Variants in B4GALNT4 observed in about 807,000 individuals in gnomAD.
B4GALNT4 encodes the protein N-acetyl-beta-glucosaminyl-glycoprotein 4-beta-N-acetylgalactosaminyltransferase 1.
In B4GALNT4, 77 loss-of-function variants were observed where a neutral mutation model predicts 110.0. The ratio of observed to expected loss-of-function variants is 0.70; its 90% confidence interval spans 0.58 to 0.85. The LOEUF (loss-of-function observed/expected upper bound fraction) is 0.85. Among genes scored for constraint, B4GALNT4 ranks in the 40% least tolerant of loss-of-function variants. B4GALNT4 has a pLI of 0.00. For missense variants in B4GALNT4, 1,575 were observed against 1,506.0 expected, an observed-to-expected ratio of 1.05 and a Z score of -0.76; for synonymous variants, 785 against 655.5, an observed-to-expected ratio of 1.20 and a Z score of -3.02.
chr11:376,702 G>T lies in B4GALNT4; in HGVS notation c.1579G>T (p.Val527Leu). ...AVEQPPPKVY[V>L]TRVRPGQRAS... ...GGAGCAGCCGCCCCCAAAGGTGTACGTGACCAGGGTGCGGCCGGGACAGCG... is the reference window on the plus strand; with the variant it reads ...GGAGCAGCCGCCCCCAAAGGTGTACTTGACCAGGGTGCGGCCGGGACAGCG... Residue 527 changes from valine (V) to leucine (L), a missense_variant, in exon 14 of 20, where the codon GTG (valine) becomes TTG (leucine). Val to Leu is a conservative substitution (Grantham distance 32). Coordinates refer to ENST00000329962, the MANE Select transcript of B4GALNT4 (RefSeq NM_178537.5). 7.1e-7 allele frequency: 1 copy of T among 1,417,466 alleles called. No homozygotes were observed. Among genetic ancestry groups the T allele is most frequent in the Non-Finnish European group, 9.2e-7 (1 of 1,091,400 alleles). The allele number at this position is 1,417,466 out of a possible 1,614,324, so 87.8% of individuals were successfully genotyped here.
In B4GALNT4 at chr11:381,709, C is replaced by T. The variant is rs757945353; in HGVS notation, c.3037C>T (p.Arg1013Trp). Reference protein sequence around the residue: ...AGLEVERLRLRNFYHHYHSKR... With the variant: ...AGLEVERLRLWNFYHHYHSKR... ...GCTGGAGGTGGAGCGGCTCCGACTGCGGAATTTCTATCACCACTACCACTC... is the reference window on the plus strand; with the variant it reads ...GCTGGAGGTGGAGCGGCTCCGACTGTGGAATTTCTATCACCACTACCACTC... The change falls in exon 20 of 20, where the codon CGG becomes TGG. Residue 1013 changes from arginine (R) to tryptophan (W), a missense_variant. By Grantham distance (101) the Arg-to-Trp change is moderately radical. Transcript: ENST00000329962. 13 of 1,592,274 alleles carry T rather than the reference C, an allele frequency of 8.2e-6. No individual in the cohort carries two copies. The highest frequency in any genetic ancestry group is 3.5e-5 in the Admixed American group (2 of 56,358).
rs1564868683 is a variant in B4GALNT4, at chr11:373,665, G to A, written c.705-85G>A. The A allele has an allele frequency of 3.3e-6, 5 of 1,533,232 alleles. No homozygotes were observed. In the South Asian group the frequency reaches 3.4e-5, roughly 10 times the overall value. 95.0% of individuals were successfully genotyped at this position (1,533,232 alleles called of 1,614,324 possible). ...ATCCTCCTGAGGGCCAGCCCTGAGG[G>A]GTGTGGGAGCCACCTGCCCCCTTCC... is the stretch of plus-strand genomic sequence containing the variant. On this transcript the variant is annotated intron_variant, in intron 7 of 19. Transcript: ENST00000329962.
rs1846731624 is a variant in B4GALNT4, at chr11:375,710, C to G, written c.922C>G (p.Pro308Ala). The change falls in exon 10 of 20, where the codon CCG (proline) becomes GCG (alanine). Residue 308 changes from proline to alanine, a missense_variant. Physicochemically the swap from Pro to Ala is conservative, Grantham distance 27. Coordinates refer to ENST00000329962, the MANE Select transcript of B4GALNT4 (RefSeq NM_178537.5). ...TCCAGCCAGCCACGTGGGGGGGCGT[C>G]CGCCGCAGGAGGAGACCAGCGCAGA... ...QSPASHVGGR[P>A]PQEETSADML... The G allele has an allele frequency of 1.3e-6, 2 of 1,594,554 alleles. No homozygotes were observed. Among genetic ancestry groups the G allele is most frequent in the Non-Finnish European group, 1.7e-6 (2 of 1,175,018 alleles).
chr11:372,808 G>T, intron 3 of B4GALNT4, 44 bp from the exon 4 acceptor site: 2 of 1,534,786 alleles, frequency 1.3e-6, no homozygotes, highest in Non-Finnish European at 1.8e-6. Flanking sequence ...GCTGGGGCGG[G>T]GGGGCGGCGG....
intron 14 of B4GALNT4, among the ~76,000 whole-genome samples, chr11:378,979 T>G (rs1846815669): frequency 6.6e-6 from 1 of 152,150 alleles, no homozygotes; most frequent in Non-Finnish European, 1.5e-5. Context: ...AGGAGGAGTC[T>G]GCTACCCCAG....
Position 377,064 on chromosome 11 carries a change from G to A in B4GALNT4, c.1941G>A (p.Glu647=), listed in dbSNP as rs1184966470. The change falls in exon 14 of 20, where the codon GAG becomes GAA. Residue 647 remains glutamate (E), a synonymous_variant. Transcript: ENST00000329962. ...TGCCCGGGGAGGGCGAAGAGGAGGA[G>A]GAAGGGGAGGACGATGGGGCCCCGG... The part of the protein sequence containing the change: ...PQLPGEGEEE[E]EGEDDGAPGD... 1 of 1,443,892 alleles carries A rather than the reference G, an allele frequency of 6.9e-7. No homozygotes were observed. The highest frequency in any genetic ancestry group is 9.1e-7 in the Non-Finnish European group (1 of 1,098,744). The allele number at this position is 1,443,892 out of a possible 1,614,324, so 89.4% of individuals were successfully genotyped here.
At position 381,894 on chromosome 11, in the gene B4GALNT4, G is replaced by A. The variant is rs1198623925; in HGVS notation, c.*102G>A. 1.2e-5 allele frequency: 16 copies of A among 1,341,716 alleles called. No individual in the cohort carries two copies. The highest frequency in any genetic ancestry group is 1.5e-5 in the Non-Finnish European group (15 of 1,028,992). 83.1% of individuals were successfully genotyped at this position (1,341,716 alleles called of 1,614,324 possible). A position where few individuals can be genotyped will look rare whatever the true frequency, so the allele number is the denominator to read the frequency against. On this transcript the variant is annotated 3_prime_UTR_variant, in exon 20 of 20. Coordinates refer to ENST00000329962, the MANE Select transcript of B4GALNT4 (RefSeq NM_178537.5). ...GAGACCCGGCAGGGCTGGTCAGAGG[G>A]GCACAGCCACCGCCTGTGCCTGCCC...
Position 369,847 on chromosome 11 carries a change from T to C in B4GALNT4, c.44T>C (p.Leu15Pro). ...PVKKIRKQMK[L>P]LLLLLLLSCA... The stretch of plus-strand genomic sequence containing the variant: ...AAGAAGATCCGTAAGCAGATGAAGC[T>C]GCTGCTGCTGCTGCTGCTGCTGAGC... Residue 15 changes from leucine to proline, a missense_variant, in exon 1 of 20, where the codon CTG becomes CCG. Transcript: ENST00000329962. 2 of 939,786 alleles carry C rather than the reference T, an allele frequency of 2.1e-6. No individual in the cohort carries two copies. The highest frequency in any genetic ancestry group is 2.5e-6 in the Non-Finnish European group (2 of 788,724). The allele number at this position is 939,786 out of a possible 1,614,324, so 58.2% of individuals were successfully genotyped here.
In B4GALNT4 at chr11:376,814, A is replaced by G; in HGVS notation, c.1691A>G (p.Gln564Arg). The change falls in exon 14 of 20, where the codon CAG (glutamine) becomes CGG (arginine). Residue 564 changes from glutamine to arginine, a missense_variant. Transcript: ENST00000329962. ...FLHPRPLPRVQLRAPPRPPRP... is the reference protein window; with the variant it reads ...FLHPRPLPRVRLRAPPRPPRP... Reference sequence around the variant, plus strand: ...CACCCCAGGCCTCTGCCCAGAGTGCAGCTGCGGGCGCCCCCACGCCCACCC... The same window carrying G: ...CACCCCAGGCCTCTGCCCAGAGTGCGGCTGCGGGCGCCCCCACGCCCACCC... 7.4e-7 allele frequency: 1 copy of G among 1,359,540 alleles called. No homozygotes were observed. Among genetic ancestry groups the G allele is most frequent in the Non-Finnish European group, 9.5e-7 (1 of 1,054,472 alleles). The allele number at this position is 1,359,540 out of a possible 1,614,324, so 84.2% of individuals were successfully genotyped here. A position where few individuals can be genotyped will look rare whatever the true frequency, so the allele number is the denominator to read the frequency against.
chr11:377,199 C>G lies in B4GALNT4; in HGVS notation c.2076C>G (p.Asp692Glu). 6.3e-7 allele frequency: 1 copy of G among 1,591,430 alleles called. No homozygotes were observed. The highest frequency in any genetic ancestry group is 8.5e-7 in the Non-Finnish European group (1 of 1,170,190). Residue 692 changes from aspartate to glutamate, a missense_variant, in exon 14 of 20, where the codon GAC becomes GAG. Coordinates refer to ENST00000329962, the MANE Select transcript of B4GALNT4 (RefSeq NM_178537.5). ...GCACGTTCAGCGTGGGCGCCGTGGA[C>G]TTCGAGCTGCTGCGCTCGGACTGGA... ...WQRTFSVGAV[D>E]FELLRSDWND... is the part of the protein sequence containing the mutation.
At chr11:381,030 GC>G (rs928910493) in intron 19 of B4GALNT4, 79 bp downstream of exon 19, 11 of 1,532,866 alleles carry the variant, frequency 7.2e-6, no homozygotes, top group African/African-American at 1.4e-5. Context: ...GGGGATTTAT[GC>G]CCCCCACGGC....
At chr11:373,946 G>C in intron 8 of B4GALNT4, 118 bp downstream of exon 8, 1 of 1,032,400 alleles carries the variant, frequency 9.7e-7, no homozygotes, top group Non-Finnish European at 1.4e-6. Context: ...AGGGCCATGG[G>C]CCTGAGGTCA....
chr11:375,517 C>G lies in B4GALNT4; in HGVS notation c.840C>G (p.Ser280=), dbSNP rs550221334. Residue 280 remains serine, a synonymous_variant, in exon 9 of 20, where the codon TCC becomes TCG. Transcript: ENST00000329962. ...KFEVISSAHI[S]LYTDESALKM... ...AGGTCATCAGCTCTGCTCACATCTC[C>G]CTGTACACAGGTGCGAGCGGACGCC... 6.2e-7 allele frequency: 1 copy of G among 1,611,334 alleles called. No individual in the cohort carries two copies. The highest frequency in any genetic ancestry group is 1.1e-5 in the South Asian group (1 of 91,084).
chr11:370,303 C>G (rs75709474), intron 1 of B4GALNT4, among the ~76,000 whole-genome samples: 1 of 152,014 alleles, frequency 6.6e-6, no homozygotes, highest in African/African-American at 2.4e-5. Flanking sequence ...AGTCTCTGCC[C>G]CTAGACCCTG....
chr11:375,731 G>A lies in B4GALNT4; in HGVS notation c.943G>A (p.Ala315Thr). 6.3e-7 allele frequency: 1 copy of A among 1,596,872 alleles called. No individual in the cohort carries two copies. The highest frequency in any genetic ancestry group is 8.5e-7 in the Non-Finnish European group (1 of 1,175,864). The change falls in exon 10 of 20, where the codon GCA becomes ACA. Residue 315 changes from alanine (A) to threonine (T), a missense_variant. Coordinates refer to ENST00000329962, the MANE Select transcript of B4GALNT4 (RefSeq NM_178537.5). Reference protein sequence around the residue: ...GGRPPQEETSADMLRPDPRDT... With the variant: ...GGRPPQEETSTDMLRPDPRDT... ...GCGTCCGCCGCAGGAGGAGACCAGC[G>A]CAGACATGCTGCGGCCAGATCCCAG...
In B4GALNT4 at chr11:379,512, G is replaced by A; in HGVS notation, c.2299G>A (p.Gly767Arg). ...GCTGGAGCTGGAGCTGCAGGAGCGC[G>A]GGGGCGGCCGCCTGCGACTGTCCGA... ...FLLELELQERGGGRLRLSEYV... is the reference protein window; with the variant it reads ...FLLELELQERRGGRLRLSEYV... Residue 767 changes from glycine (G) to arginine (R), a missense_variant, in exon 15 of 20, where the codon GGG (glycine) becomes AGG (arginine). Transcript: ENST00000329962. The A allele has an allele frequency of 6.3e-7, 1 of 1,576,892 alleles. No individual in the cohort carries two copies. Among genetic ancestry groups the A allele is most frequent in the Non-Finnish European group, 8.6e-7 (1 of 1,167,366 alleles).
chr11:373,603 G>A (rs1458790843), intron 7 of B4GALNT4, 87 bp downstream of exon 7: 36 of 1,531,734 alleles, frequency 2.4e-5, no homozygotes, highest in Admixed American at 6.7e-5. Context: ...GCACACTTGC[G>A]CACACTCTGC....
chr11:375,750 A>G lies in B4GALNT4; in HGVS notation c.962A>G (p.Asp321Gly). The change falls in exon 10 of 20, where the codon GAT becomes GGT. Residue 321 changes from aspartate (D) to glycine (G), a missense_variant. By Grantham distance (94) the Asp-to-Gly change is moderately conservative. Transcript: ENST00000329962. ...EETSADMLRP[D>G]PRDTFFLTPR... ...ACCAGCGCAGACATGCTGCGGCCAG[A>G]TCCCAGGGATACCTTTTTCCTCAGT... The G allele has an allele frequency of 6.3e-7, 1 of 1,596,552 alleles. No individual in the cohort carries two copies. Among genetic ancestry groups the G allele is most frequent in the Non-Finnish European group, 8.5e-7 (1 of 1,175,190 alleles).
rs1846773432 is a variant in B4GALNT4, at chr11:377,110, G to T, written c.1987G>T (p.Asp663Tyr). 9 of 1,483,872 alleles carry T rather than the reference G, an allele frequency of 6.1e-6. No homozygotes were observed. Among genetic ancestry groups the T allele is most frequent in the Non-Finnish European group, 7.2e-6 (8 of 1,117,726 alleles). The allele number at this position is 1,483,872 out of a possible 1,614,324, so 91.9% of individuals were successfully genotyped here. Reference protein sequence around the residue: ...GAPGDEAASEDSEEAAGPALG... With the variant: ...GAPGDEAASEYSEEAAGPALG... ...CCCGGGCGACGAGGCCGCGTCGGAG[G>T]ACAGCGAGGAGGCCGCGGGCCCGGC... The change falls in exon 14 of 20, where the codon GAC becomes TAC. Residue 663 changes from aspartate to tyrosine, a missense_variant. Asp to Tyr is a radical substitution (Grantham distance 160). Transcript: ENST00000329962.
Sources: allele counts gnomAD v4.1 joint callset (sites outside exome capture counted in the v4.1 genomes callset), GRCh38; gene constraint gnomAD v4.1.1; transcripts MANE v1.5; gene names NCBI Gene and HGNC (gene_info 2026-07-23, HGNC 2026-07-21).